The following MALRD1 variants were observed in gnomAD, a reference collection of about 807,000 sequenced individuals.
MALRD1 encodes the protein MAM and LDL receptor class A domain containing 1.
MALRD1 carries 247 observed loss-of-function variants against 242.1 expected under a neutral mutation model. That is an observed-to-expected ratio of 1.02 (90% CI 0.92 to 1.13). MALRD1 has a LOEUF of 1.13. MALRD1 is among the 50% of genes most tolerant of loss of function. MALRD1 has a pLI of 0.00. For missense variants in MALRD1, 2,989 were observed against 2,533.1 expected (o/e 1.18, Z -3.86); for synonymous variants, 995 against 866.6 (o/e 1.15, Z -2.60).
intron 21 of MALRD1, among the ~76,000 whole-genome samples, chr10:19,310,329 A>G (rs185449673): frequency 9.9e-5 from 15 of 151,700 alleles, no homozygotes; most frequent in African/African-American, 3.1e-4. Flanking sequence ...GTGATGAATA[A>G]GGAGCAGTGT....
intron 32 of MALRD1, among the ~76,000 whole-genome samples, chr10:19,536,980 C>G (rs188053330): frequency 1.1e-3 from 165 of 152,218 alleles, no homozygotes; most frequent in Admixed American, 5.2e-4. Context: ...CAAGAAGGAG[C>G]CAGCCTTGCG....
At chr10:19,693,437 A>T (rs1161941563) in intron 38 of MALRD1, among the ~76,000 whole-genome samples, 3 of 152,158 alleles carry the variant, frequency 2.0e-5, no homozygotes, top group Non-Finnish European at 4.4e-5. Flanking sequence ...AATAACAGAA[A>T]AACAGAGAGC....
intron 32 of MALRD1, among the ~76,000 whole-genome samples, chr10:19,566,018 G>T (rs1290873091): frequency 5.9e-5 from 9 of 152,046 alleles, no homozygotes; most frequent in Admixed American, 5.9e-4. Flanking sequence ...CTTATCTTCT[G>T]TCTCTGGAAT....
intron 36 of MALRD1, chr10:19,633,875 G>C (rs1028248632): frequency 2.3e-4 from 28 of 123,956 alleles, no homozygotes; most frequent in African/African-American, 7.7e-4. Flanking sequence ...GTCTCACTCT[G>C]TCACCCAGGC....
intron 38 of MALRD1, among the ~76,000 whole-genome samples, chr10:19,700,369 G>A (rs1011366898): frequency 2.0e-5 from 3 of 152,078 alleles, no homozygotes; most frequent in Non-Finnish European, 4.4e-5. Context: ...GGCAAATAGA[G>A]GTTGGAATTT....
intron 38 of MALRD1, among the ~76,000 whole-genome samples, chr10:19,705,804 T>TGAA (rs71388859): frequency 1.9e-5 from 2 of 102,904 alleles, no homozygotes; most frequent in Non-Finnish European, 3.5e-5. Flanking sequence ...CCTGCAATAG[T>TGAA]AAAAAAAAAA....
At chr10:19,610,225 G>A (rs954858800) in intron 35 of MALRD1, among the ~76,000 whole-genome samples, 1 of 151,738 alleles carries the variant, frequency 6.6e-6, no homozygotes, top group East Asian at 1.9e-4. Flanking sequence ...TTTGTGGTAC[G>A]AACGTTGAAG....
At chr10:19,707,630 A>C (rs1392174403) in intron 38 of MALRD1, among the ~76,000 whole-genome samples, 1 of 151,988 alleles carries the variant, frequency 6.6e-6, no homozygotes, top group Non-Finnish European at 1.5e-5. Context: ...GTTTGAAGTC[A>C]TGGGTTTGAT....
chr10:19,575,738 T>C (rs1836787042), intron 33 of MALRD1, among the ~76,000 whole-genome samples: 1 of 152,172 alleles, frequency 6.6e-6, no homozygotes, highest in South Asian at 2.1e-4. Context: ...ATATCCTTAC[T>C]CTCAGTACAG....
At chr10:19,320,392 A>G (rs1165572432) in intron 21 of MALRD1, among the ~76,000 whole-genome samples, 1 of 152,110 alleles carries the variant, frequency 6.6e-6, no homozygotes, top group Admixed American at 6.5e-5. Flanking sequence ...CCTGCAAAGG[A>G]CATGAACTCA....
intron 13 of MALRD1, among the ~76,000 whole-genome samples, chr10:19,174,300 A>G (rs1835130278): frequency 6.6e-6 from 1 of 152,156 alleles, no homozygotes; most frequent in Admixed American, 6.5e-5. Context: ...CAAAGGAAAG[A>G]GAGGGGAAGG....
intron 31 of MALRD1, among the ~76,000 whole-genome samples, chr10:19,526,472 C>A (rs1407733986): frequency 1.3e-5 from 2 of 151,716 alleles, no homozygotes; most frequent in Non-Finnish European, 2.9e-5. Context: ...ATTAAATTTG[C>A]AATGGTGTCT....
chr10:19,315,978 T>C (rs1842690307), intron 21 of MALRD1, among the ~76,000 whole-genome samples: 1 of 150,580 alleles, frequency 6.6e-6, no homozygotes, highest in Non-Finnish European at 1.5e-5. Flanking sequence ...CATCCACATA[T>C]ACCCATTTCA....
intron 26 of MALRD1, among the ~76,000 whole-genome samples, chr10:19,362,641 A>G (rs1471444810): frequency 6.6e-6 from 1 of 152,066 alleles, no homozygotes; most frequent in East Asian, 1.9e-4. Context: ...GAGGTCAGAG[A>G]GGAGATGGGG....
At chr10:19,128,074 G>A (rs1837338068) in intron 7 of MALRD1, 147 bp from the exon 8 acceptor site, 1 of 439,404 alleles carries the variant, frequency 2.3e-6, no homozygotes, top group African/African-American at 2.0e-5. Flanking sequence ...TGTAGTTGAT[G>A]TAATCATTTG....
chr10:19,369,152 T>TTATAC (rs71387067), intron 26 of MALRD1, among the ~76,000 whole-genome samples: 9 of 130,304 alleles, frequency 6.9e-5, no homozygotes, highest in South Asian at 2.3e-4. Context: ...TAATATTATA[T>TTATAC]ATAAACTAAT....
chr10:19,161,221 G>A (rs2131487804), intron 12 of MALRD1, among the ~76,000 whole-genome samples: 1 of 132,338 alleles, frequency 7.6e-6, no homozygotes, highest in East Asian at 2.1e-4. Context: ...GATGAAATTG[G>A]AAACCATCAT....
chr10:19,392,414 C>A (rs1318230095), intron 28 of MALRD1, among the ~76,000 whole-genome samples: 1 of 152,082 alleles, frequency 6.6e-6, no homozygotes, highest in African/African-American at 2.4e-5. Flanking sequence ...TTATCGAGAT[C>A]TATACACATT....
intron 12 of MALRD1, among the ~76,000 whole-genome samples, chr10:19,156,962 G>T (rs780130284): frequency 6.6e-6 from 1 of 152,140 alleles, no homozygotes; most frequent in Non-Finnish European, 1.5e-5. Flanking sequence ...AAAGGCTATG[G>T]ATACTGACTT....
Sources: gnomAD v4.1 joint callset for allele counts (sites outside exome capture counted in the v4.1 genomes callset) on GRCh38, gnomAD v4.1.1 for gene constraint, MANE v1.5 for transcripts, NCBI Gene and HGNC (gene_info 2026-07-23, HGNC 2026-07-21) for gene names.